AARS1: variants seen among roughly 807,000 people sequenced by gnomAD.
AARS1 encodes the protein alanine--tRNA ligase, cytoplasmic.
Under a neutral mutation model 108.9 loss-of-function variants are expected in AARS1, and 72 were observed. The observed-to-expected ratio is 0.66, with a 90% CI of 0.55 to 0.80. AARS1 has a LOEUF of 0.80. AARS1 is among the 30% of genes least tolerant of loss of function. The probability of loss-of-function intolerance (pLI) is 0.00; values close to 1 mark genes in which losing one functional copy is unlikely to be tolerated. For missense variants in AARS1, 1,193 were observed against 1,233.2 expected (o/e 0.97, Z 0.49); for synonymous variants, 489 against 465.7 (o/e 1.05, Z -0.64).
chr16:70,260,853 G>A (rs755300284), intron 13 of AARS1, among the ~76,000 whole-genome samples, 191 bp downstream of exon 13: 21 of 151,952 alleles, frequency 1.4e-4, no homozygotes, highest in Non-Finnish European at 2.6e-4. Context: ...TAGTAGAGAC[G>A]GGGTTTCACC....
In AARS1 at chr16:70,289,478, T is replaced by C. The variant is rs1026131134; in HGVS notation, c.-79A>G. 2 of 436,898 alleles carry C rather than the reference T, an allele frequency of 4.6e-6. No individual in the cohort carries two copies. Among genetic ancestry groups the C allele is most frequent in the African/African-American group, 2.0e-5 (1 of 49,732 alleles). 27.1% of individuals were successfully genotyped at this position (436,898 alleles called of 1,614,324 possible). ...TCAGAGTCCCCCGCCAAGGGCCCGC[T>C]GCACCTATTCCCGCAGACGCGCAGC... On this transcript the variant is annotated 5_prime_UTR_variant, in exon 1 of 21. Coordinates refer to ENST00000261772, the MANE Select transcript of AARS1 (RefSeq NM_001605.3).
intron 1 of AARS1, among the ~76,000 whole-genome samples, chr16:70,288,253 G>C (rs1034784574): frequency 6.6e-6 from 1 of 151,438 alleles, no homozygotes; most frequent in Non-Finnish European, 1.5e-5. Context: ...CTGGGACTAC[G>C]GGCGCCAGTC....
chr16:70,286,313 AG>A (rs1428534287), intron 1 of AARS1, among the ~76,000 whole-genome samples: 1 of 151,936 alleles, frequency 6.6e-6, no homozygotes, highest in African/African-American at 2.4e-5. Context: ...GGAGCTGTAA[AG>A]GTCTTGGGTG....
chr16:70,253,851 G>A lies in AARS1; in HGVS notation c.2521-51C>T, dbSNP rs192447854. 2.1e-4 allele frequency: 337 copies of A among 1,614,192 alleles called. 4 individuals carry two copies. Among genetic ancestry groups the A allele is most frequent in the South Asian group, 1.6e-3 (142 of 91,076 alleles). ...AGCTCAGACCAAAAGCCCAGGCCCC[G>A]AACCCCTGGCTGTTCTGCCAGCCTT... On this transcript the variant is annotated intron_variant, in intron 18 of 20. Transcript: ENST00000261772.
At chr16:70,257,832 C>A (rs185362298) in intron 15 of AARS1, among the ~76,000 whole-genome samples, 33 of 152,234 alleles carry the variant, frequency 2.2e-4, no homozygotes, top group African/African-American at 5.3e-4. Flanking sequence ...GGGAATGTTT[C>A]GTCAGGAAAT....
chr16:70,268,121 T>TCAC (rs1960309214), intron 8 of AARS1, 150 bp downstream of exon 8: 1 of 776,322 alleles, frequency 1.3e-6, no homozygotes, highest in Non-Finnish European at 2.2e-6. Context: ...TGAGCCAAGA[T>TCAC]CACTCTATTG....
At chr16:70,278,109 T>C (rs1036489399) in intron 2 of AARS1, among the ~76,000 whole-genome samples, 3 of 152,010 alleles carry the variant, frequency 2.0e-5, no homozygotes, top group African/African-American at 7.3e-5. Flanking sequence ...CTGGGCAAGG[T>C]GGCTCACACC....
intron 14 of AARS1, among the ~76,000 whole-genome samples, chr16:70,258,533 GCAAAAGCAC>G (rs1263861082): frequency 3.9e-5 from 6 of 152,042 alleles, no homozygotes; most frequent in African/African-American, 1.4e-4. Context: ...ACTGCCCCCG[GCAAAAGCAC>G]AGATGGAGAA....
intron 4 of AARS1, among the ~76,000 whole-genome samples, chr16:70,275,189 G>A (rs899943648): frequency 3.3e-5 from 5 of 152,088 alleles, no homozygotes; most frequent in African/African-American, 1.2e-4. Flanking sequence ...TAACCCGGGA[G>A]GCAGAGGTTA....
Position 70,253,863 on chromosome 16 carries a change from G to C in AARS1, c.2520+56C>G, listed in dbSNP as rs897597773. On this transcript the variant is annotated intron_variant, in intron 18 of 20. Transcript: ENST00000261772. ...AAGCCCAGGCCCCGAACCCCTGGCT[G>C]TTCTGCCAGCCTTTGCCTAGGAAAC... The C allele has an allele frequency of 2.2e-5, 35 of 1,614,104 alleles. No individual in the cohort carries two copies. In the Admixed American group the frequency reaches 5.8e-4, roughly 27 times the overall value.
In AARS1 at chr16:70,267,576, C is replaced by G. The variant is rs1960292007; in HGVS notation, c.1222+83G>C. 7.8e-6 allele frequency: 12 copies of G among 1,543,448 alleles called. No individual in the cohort carries two copies. The South Asian group carries it at 1.4e-4, about 17-fold the overall frequency. ...GTTCAGCCTCAGAGACATGAGAGCC[C>G]ACAGTCAGTCTGTCAGAAAGGGCTT... On this transcript the variant is annotated intron_variant, in intron 9 of 20. Coordinates refer to ENST00000261772, the MANE Select transcript of AARS1 (RefSeq NM_001605.3).
chr16:70,257,207 C>G (rs1960012723), intron 15 of AARS1, among the ~76,000 whole-genome samples: 3 of 151,942 alleles, frequency 2.0e-5, no homozygotes, highest in African/African-American at 7.2e-5. Flanking sequence ...CAAGATTGCG[C>G]CATTGCACTC....
chr16:70,256,705 G>C (rs1289577977), intron 15 of AARS1, among the ~76,000 whole-genome samples: 1 of 152,152 alleles, frequency 6.6e-6, no homozygotes, highest in Non-Finnish European at 1.5e-5. Flanking sequence ...CAGCTGGGCA[G>C]AAAAGCCTTG....
intron 2 of AARS1, among the ~76,000 whole-genome samples, chr16:70,279,276 G>C (rs562377498): frequency 3.1e-4 from 46 of 149,316 alleles, no homozygotes; most frequent in Admixed American, 2.1e-3. Flanking sequence ...GCTTGAACCT[G>C]GGAGGCAGAG....
rs775749097 is a variant in AARS1, at chr16:70,252,707, T to G, written c.*14A>C. The G allele has an allele frequency of 9.9e-6, 16 of 1,613,432 alleles. No individual in the cohort carries two copies. In the South Asian group the frequency reaches 1.3e-4, roughly 13 times the overall value. ...TGGACGGATGGATCCAGTGGGAGCC[T>G]CCTCCTTCCCCACTCAGTTCTTTAC... is the stretch of plus-strand genomic sequence containing the variant. On this transcript the variant is annotated 3_prime_UTR_variant, in exon 21 of 21. Coordinates refer to ENST00000261772, the MANE Select transcript of AARS1 (RefSeq NM_001605.3).
Position 70,272,931 on chromosome 16 carries a change from T to G in AARS1, c.480-959A>C, listed in dbSNP as rs115160127. Among the ~76,000 whole-genome samples, 923 of 94,022 alleles carry G rather than the reference T, an allele frequency of 9.8e-3. 11 individuals are homozygous for G. Among genetic ancestry groups the G allele is most frequent in the African/African-American group, 0.054 (881 of 16,204 alleles). 61.7% of individuals were successfully genotyped at this position (94,022 alleles called of 152,430 possible). A position where few individuals can be genotyped will look rare whatever the true frequency, so the allele number is the denominator to read the frequency against. ...ACACACACACACACACACAAAAGAT[T>G]GTGCTTGCTTATCTTTTAAAAGCTA... is the stretch of plus-strand genomic sequence containing the variant. On this transcript the variant is annotated intron_variant, in intron 4 of 20. Coordinates refer to ENST00000261772, the MANE Select transcript of AARS1 (RefSeq NM_001605.3).
chr16:70,262,665 T>A, intron 11 of AARS1, 141 bp from the exon 12 acceptor site: 2 of 937,902 alleles, frequency 2.1e-6, no homozygotes, highest in Non-Finnish European at 3.1e-6. Flanking sequence ...GCAAACTCAT[T>A]AGACAATATG....
intron 4 of AARS1, among the ~76,000 whole-genome samples, chr16:70,272,889 GACACACACACAC>G (rs71928705): frequency 7.8e-5 from 11 of 140,384 alleles, no homozygotes; most frequent in East Asian, 6.1e-4. Flanking sequence ...CAGCCTGGGT[GACACACACACAC>G]ACACACACAC....
intron 11 of AARS1, among the ~76,000 whole-genome samples, chr16:70,264,328 T>C (rs1960213388): frequency 1.3e-5 from 2 of 151,882 alleles, no homozygotes; most frequent in African/African-American, 4.8e-5. Flanking sequence ...CTTTTTCTTT[T>C]TCCCCGAGAC....
Sources: gnomAD v4.1 joint callset for allele counts (sites outside exome capture counted in the v4.1 genomes callset) on GRCh38, gnomAD v4.1.1 for gene constraint, MANE v1.5 for transcripts, NCBI Gene and HGNC (gene_info 2026-07-23, HGNC 2026-07-21) for gene names.